LYPLA1: variants seen among roughly 807,000 people sequenced by gnomAD.
LYPLA1 encodes lysophospholipase 1, also known as acyl-protein thioesterase 1.
In LYPLA1, 17 loss-of-function variants were observed where a neutral mutation model predicts 34.0. The observed-to-expected ratio is 0.50, with a 90% CI of 0.34 to 0.75. The LOEUF (loss-of-function observed/expected upper bound fraction) is 0.75. LYPLA1 is among the 30% of genes least tolerant of loss of function. LYPLA1 has a pLI of 0.01. For synonymous variants in LYPLA1, 98 were observed against 100.8 expected (o/e 0.97, Z 0.17); for missense variants, 203 against 288.8 (o/e 0.70, Z 2.15).
rs1807174124 is a variant in LYPLA1, at chr8:54,067,736, C to T, written c.102-1923G>A. Among the ~76,000 whole-genome samples, 5 of 146,256 alleles carry T rather than the reference C, an allele frequency of 3.4e-5. No individual in the cohort carries two copies. The South Asian group carries it at 1.1e-3, about 31-fold the overall frequency. ...TTTGAGACAGAGTCTTGCTCTGTTG[C>T]CCAGGCTGGAGTGCAGTGGCGCGAT... is the stretch of plus-strand genomic sequence containing the variant. On this transcript the variant is annotated intron_variant, in intron 2 of 8. Coordinates refer to ENST00000316963, the MANE Select transcript of LYPLA1 (RefSeq NM_006330.4).
Position 54,048,137 on chromosome 8 carries a change from T to C in LYPLA1, c.640-19A>G. On this transcript the variant is annotated intron_variant, in intron 8 of 8. Coordinates refer to ENST00000316963, the MANE Select transcript of LYPLA1 (RefSeq NM_006330.4). ...TCATTTCCTGTTTGGAATAAAGTAATTTAATAGGTAGGTAGTTATGTAAGT... is the reference window on the plus strand; with the variant it reads ...TCATTTCCTGTTTGGAATAAAGTAACTTAATAGGTAGGTAGTTATGTAAGT... The C allele has an allele frequency of 4.6e-6, 7 of 1,514,104 alleles. No individual in the cohort carries two copies. Among genetic ancestry groups the C allele is most frequent in the Non-Finnish European group, 6.4e-6 (7 of 1,089,998 alleles). 93.8% of individuals were successfully genotyped at this position (1,514,104 alleles called of 1,614,324 possible).
At chr8:54,048,279 T>C (rs1805609838) in intron 8 of LYPLA1, among the ~76,000 whole-genome samples, 161 bp from the exon 9 acceptor site, 1 of 152,146 alleles carries the variant, frequency 6.6e-6, no homozygotes, top group Admixed American at 6.5e-5. Flanking sequence ...CCAACAGAAA[T>C]TTCAGGACAT....
chr8:54,061,044 T>C (rs570534830), intron 5 of LYPLA1, among the ~76,000 whole-genome samples: 1 of 152,048 alleles, frequency 6.6e-6, no homozygotes, highest in African/African-American at 2.4e-5. Context: ...TTATTTTCAC[T>C]GTTATTCCAA....
At chr8:54,070,667 G>A (rs1391364653) in intron 2 of LYPLA1, among the ~76,000 whole-genome samples, 2 of 152,172 alleles carry the variant, frequency 1.3e-5, no homozygotes, top group Non-Finnish European at 1.5e-5. Flanking sequence ...AGGTTGCAGT[G>A]AGCTGAGATC....
chr8:54,072,033 C>T (rs1807512091), intron 2 of LYPLA1, among the ~76,000 whole-genome samples: 2 of 152,118 alleles, frequency 1.3e-5, no homozygotes, highest in South Asian at 4.1e-4. Context: ...GGTACAAAAA[C>T]AGACACATAG....
chr8:54,067,985 C>T (rs1433970164), intron 2 of LYPLA1, among the ~76,000 whole-genome samples: 1 of 152,100 alleles, frequency 6.6e-6, no homozygotes, highest in African/African-American at 2.4e-5. Flanking sequence ...CCATGCCCAG[C>T]CCCCTGTTAA....
At position 54,046,815 on chromosome 8, in the gene LYPLA1, T is replaced by C. The variant is rs1805513885; in HGVS notation, c.*1250A>G. On this transcript the variant is annotated 3_prime_UTR_variant, in exon 9 of 9. Coordinates refer to ENST00000316963, the MANE Select transcript of LYPLA1 (RefSeq NM_006330.4). ...CTGACTAGCCTTTATTACCCATAAGTTTGTTTTCAAATAATTTTTACCAGT... is the reference window on the plus strand; with the variant it reads ...CTGACTAGCCTTTATTACCCATAAGCTTGTTTTCAAATAATTTTTACCAGT... 6.6e-6 allele frequency: 1 copy of C among 152,168 alleles called. No homozygotes were observed. Among genetic ancestry groups the C allele is most frequent in the Non-Finnish European group, 1.5e-5 (1 of 67,986 alleles). The allele number at this position is 152,168 out of a possible 1,614,324, so 9.4% of individuals were successfully genotyped here.
intron 2 of LYPLA1, among the ~76,000 whole-genome samples, chr8:54,077,656 A>T (rs1808008057): frequency 6.6e-6 from 1 of 152,290 alleles, no homozygotes; most frequent in Non-Finnish European, 1.5e-5. Flanking sequence ...ATAAATAAAT[A>T]AAAAGTTTAT....
chr8:54,094,282 C>A (rs1480763762), intron 2 of LYPLA1, among the ~76,000 whole-genome samples: 2 of 152,146 alleles, frequency 1.3e-5, no homozygotes, highest in Non-Finnish European at 2.9e-5. Context: ...TTCCACCAGG[C>A]CTTTCCTCCT....
intron 5 of LYPLA1, among the ~76,000 whole-genome samples, chr8:54,061,022 C>T (rs547352600): frequency 4.0e-5 from 6 of 151,480 alleles, no homozygotes; most frequent in African/African-American, 1.2e-4. Flanking sequence ...TATCATTATA[C>T]TCATTATATC....
intron 2 of LYPLA1, among the ~76,000 whole-genome samples, chr8:54,068,257 G>C (rs1807224318): frequency 6.6e-6 from 1 of 152,078 alleles, no homozygotes; most frequent in Non-Finnish European, 1.5e-5. Flanking sequence ...CACTTTCATG[G>C]ACTGGGAGAT....
chr8:54,065,292 T>TA (rs903869034), intron 3 of LYPLA1, among the ~76,000 whole-genome samples: 1 of 152,022 alleles, frequency 6.6e-6, no homozygotes, highest in Non-Finnish European at 1.5e-5. Flanking sequence ...ACCCTGCCTC[T>TA]ACTAAACATA....
chr8:54,089,302 G>A (rs533275618), intron 2 of LYPLA1, among the ~76,000 whole-genome samples: 1 of 150,886 alleles, frequency 6.6e-6, no homozygotes, highest in African/African-American at 2.4e-5. Flanking sequence ...GGTGAGTACA[G>A]AACAAGAATA....
In LYPLA1 at chr8:54,063,496, C is replaced by T. The variant is rs1048904943; in HGVS notation, c.168-121G>A. 15 of 686,268 alleles carry T rather than the reference C, an allele frequency of 2.2e-5. No individual in the cohort carries two copies. In the African/African-American group the frequency reaches 2.8e-4, roughly 13 times the overall value. The allele number at this position is 686,268 out of a possible 1,614,324, so 42.5% of individuals were successfully genotyped here. A position where few individuals can be genotyped will look rare whatever the true frequency, so the allele number is the denominator to read the frequency against. On this transcript the variant is annotated intron_variant, in intron 3 of 8. Transcript: ENST00000316963. Reference sequence around the variant, plus strand: ...ACAAAACTATATGCTACAGTTTTAACATATGAACTGTTTTATTTCATCCAC... The same window carrying T: ...ACAAAACTATATGCTACAGTTTTAATATATGAACTGTTTTATTTCATCCAC...
chr8:54,061,839 G>T (rs533831304), intron 5 of LYPLA1, among the ~76,000 whole-genome samples: 10 of 151,886 alleles, frequency 6.6e-5, no homozygotes, highest in South Asian at 6.2e-4. Flanking sequence ...GATAAATGTG[G>T]TTTTTTTTGG....
intron 2 of LYPLA1, among the ~76,000 whole-genome samples, chr8:54,070,269 C>T (rs766303452): frequency 6.6e-6 from 1 of 152,076 alleles, no homozygotes; most frequent in South Asian, 2.1e-4. Flanking sequence ...GAGCCGAGAT[C>T]GTGCCACTGC....
intron 2 of LYPLA1, among the ~76,000 whole-genome samples, chr8:54,086,185 G>A (rs1376076694): frequency 1.3e-5 from 2 of 151,856 alleles, no homozygotes; most frequent in Non-Finnish European, 2.9e-5. Context: ...AATGGATTAA[G>A]GGCGGTGCAA....
At chr8:54,067,837 C>T (rs928845814) in intron 2 of LYPLA1, among the ~76,000 whole-genome samples, 1 of 151,650 alleles carries the variant, frequency 6.6e-6, no homozygotes, top group Non-Finnish European at 1.5e-5. Flanking sequence ...GCGCCCGCCA[C>T]CACACCAGCT....
chr8:54,096,217 T>C (rs1419461066), intron 2 of LYPLA1, among the ~76,000 whole-genome samples: 1 of 152,226 alleles, frequency 6.6e-6, no homozygotes, highest in Non-Finnish European at 1.5e-5. Context: ...AAATGTTATT[T>C]CTGCAACTTT....
Sources: allele counts gnomAD v4.1 joint callset (sites outside exome capture counted in the v4.1 genomes callset), GRCh38; gene constraint gnomAD v4.1.1; transcripts MANE v1.5; gene names NCBI Gene and HGNC (gene_info 2026-07-23, HGNC 2026-07-21).